HMX1: variants seen among roughly 807,000 people sequenced by gnomAD.
HMX1 encodes the protein homeobox protein HMX1.
A neutral mutation model predicts 8.9 loss-of-function variants in HMX1; 8 were observed. The observed-to-expected ratio is 0.90, with a 90% CI of 0.53 to 1.63. The LOEUF (loss-of-function observed/expected upper bound fraction) is 1.63. Ranked by LOEUF, HMX1 falls within the 40% of genes most tolerant of loss-of-function variation. The pLI, the probability that HMX1 is intolerant of heterozygous loss-of-function variation, is 0.00. For synonymous variants in HMX1, 311 were observed against 283.4 expected (o/e 1.10, Z -0.98); for missense variants, 621 against 558.5 (o/e 1.11, Z -1.13).
At position 8,871,384 on chromosome 4, in the gene HMX1, G is replaced by A; in HGVS notation, c.231C>T (p.Pro77=). 8.1e-7 allele frequency: 1 copy of A among 1,241,842 alleles called. No individual in the cohort carries two copies. The highest frequency in any genetic ancestry group is 1.0e-6 in the Non-Finnish European group (1 of 990,730). The allele number at this position is 1,241,842 out of a possible 1,614,324, so 76.9% of individuals were successfully genotyped here. The change falls in exon 1 of 2, where the codon CCC becomes CCT. Residue 77 remains proline (P), a synonymous_variant. Transcript: ENST00000400677. This position sits in a 1 kb window ranked among gnomAD's most constrained non-coding sequence, Gnocchi z 4.8. ...RRRQLLAGTG[P]GGEARARALL... ...GCGCACGGGCCCGCGCCTCCCCGCC[G>A]GGCCCGGTGCCCGCGAGCAACTGTC...
chr4:8,871,084 C>T lies in HMX1; in HGVS notation c.394+137G>A. The T allele has an allele frequency of 9.8e-7, 1 of 1,019,364 alleles. No homozygotes were observed. The highest frequency in any genetic ancestry group is 1.3e-6 in the Non-Finnish European group (1 of 792,894). The allele number at this position is 1,019,364 out of a possible 1,614,324, so 63.1% of individuals were successfully genotyped here. A position where few individuals can be genotyped will look rare whatever the true frequency, so the allele number is the denominator to read the frequency against. On this transcript the variant is annotated intron_variant, in intron 1 of 1. Transcript: ENST00000400677. This position sits in a 1 kb window ranked among gnomAD's most constrained non-coding sequence, Gnocchi z 4.8. ...CAACCAGGGGCTCCTGGGGGCCCCA[C>T]AAGGCCCAGACGCCGTTCCACAGAA...
chr4:8,869,807 G>A (rs1232757475), intron 1 of HMX1, among the ~76,000 whole-genome samples: 1 of 152,204 alleles, frequency 6.6e-6, no homozygotes, highest in Non-Finnish European at 1.5e-5. Context: ...TAACCCGCAT[G>A]GCACGAAATA....
downstream of HMX1, among the ~76,000 whole-genome samples, chr4:8,863,874 C>G (rs772985513): frequency 1.6e-4 from 25 of 152,244 alleles, no homozygotes; most frequent in Non-Finnish European, 2.2e-4. Context: ...GCTCTATAGT[C>G]ATTTCCCGAG....
At chr4:8,864,889 AT>A (rs1374437582), downstream of HMX1, among the ~76,000 whole-genome samples, 2 of 152,286 alleles carry the variant, frequency 1.3e-5, no homozygotes, top group East Asian at 3.9e-4. Flanking sequence ...CTCCAGCCCG[AT>A]TTTTAATTAA....
chr4:8,847,347 C>T lies in HMX1; in HGVS notation c.395-1023G>A, dbSNP rs1056044432. On this transcript the variant is annotated intron_variant, in intron 1 of 1. Transcript: ENST00000506970. The surrounding 1 kb of genome is among the most constrained non-coding windows in gnomAD (Gnocchi z 6.0). ...TGATGTCTCCTGAGAATATCTTTGA[C>T]TTAAGAATTCCTGGTTCACACCAGG... Among the ~76,000 whole-genome samples the T allele has an allele frequency of 2.6e-5, 4 of 152,088 alleles. No individual in the cohort carries two copies. The highest frequency in any genetic ancestry group is 4.4e-5 in the Non-Finnish European group (3 of 68,032).
At chr4:8,854,166 G>A (rs1015427585) in intron 1 of HMX1, among the ~76,000 whole-genome samples, 18 of 152,264 alleles carry the variant, frequency 1.2e-4, no homozygotes, top group African/African-American at 3.6e-4. Flanking sequence ...CCAGGAGCTC[G>A]CAGCCAGGCA....
chr4:8,855,732 G>C (rs964460237), intron 1 of HMX1, among the ~76,000 whole-genome samples: 3 of 152,204 alleles, frequency 2.0e-5, no homozygotes, highest in African/African-American at 7.2e-5. Flanking sequence ...AGAAGTCGCA[G>C]AGAAAGTTTC....
At chr4:8,857,941 T>C (rs1273847144) in intron 1 of HMX1, among the ~76,000 whole-genome samples, 1 of 152,056 alleles carries the variant, frequency 6.6e-6, no homozygotes, top group African/African-American at 2.4e-5. Context: ...AGAGTAGGGC[T>C]TCGGGCGCTC....
intron 1 of HMX1, among the ~76,000 whole-genome samples, chr4:8,855,538 GCCAGCTGCCGGGTGAC>G (rs1449302966): frequency 6.6e-6 from 1 of 152,180 alleles, no homozygotes; most frequent in Non-Finnish European, 1.5e-5. Flanking sequence ...TGGACAGATG[GCCAGCTGCCGGGTGAC>G]CCACCAGGTG....
At position 8,870,906 on chromosome 4, in the gene HMX1, T is replaced by C. The variant is rs560056458; in HGVS notation, c.394+315A>G. The stretch of plus-strand genomic sequence containing the variant: ...TCTCCTGTATCTTTCCCTATCCTCT[T>C]TCACTCTCCTTTCTTTTTTCTTTGG... On this transcript the variant is annotated intron_variant, in intron 1 of 1. Coordinates refer to ENST00000400677, the MANE Select transcript of HMX1 (RefSeq NM_018942.3). The surrounding 1 kb of genome is among the most constrained non-coding windows in gnomAD (Gnocchi z 4.4). Among the ~76,000 whole-genome samples, 59 of 150,770 alleles carry C rather than the reference T, an allele frequency of 3.9e-4. No homozygotes were observed. The highest frequency in any genetic ancestry group is 1.4e-3 in the African/African-American group (58 of 41,172).
chr4:8,867,868 G>A lies in HMX1; in HGVS notation c.872C>T (p.Pro291Leu), dbSNP rs746059506. 1 of 1,261,142 alleles carries A rather than the reference G, an allele frequency of 7.9e-7. No homozygotes were observed. Among genetic ancestry groups the A allele is most frequent in the Non-Finnish European group, 1.0e-6 (1 of 1,004,686 alleles). The allele number at this position is 1,261,142 out of a possible 1,614,324, so 78.1% of individuals were successfully genotyped here. A position where few individuals can be genotyped will look rare whatever the true frequency, so the allele number is the denominator to read the frequency against. The stretch of plus-strand genomic sequence containing the variant: ...CGGGGGCCCAGCGGCGGCTGCGGCC[G>A]GGGGGCTTTCGTGGTAGAGCACCGG... ...RVPVLYHESPPAAAAAGPPAT... is the reference protein window; with the variant it reads ...RVPVLYHESPLAAAAAGPPAT... Residue 291 changes from proline to leucine, a missense_variant, in exon 2 of 2, where the codon CCG (proline) becomes CTG (leucine). Physicochemically the swap from Pro to Leu is moderately conservative, Grantham distance 98 (BLOSUM62 -3). Transcript: ENST00000400677.
chr4:8,847,473 G>A lies in HMX1; in HGVS notation c.395-1149C>T, dbSNP rs981507348. 2.6e-5 allele frequency among the ~76,000 whole-genome samples: 4 copies of A among 152,176 alleles called. No homozygotes were observed. The highest frequency in any genetic ancestry group is 7.2e-5 in the African/African-American group (3 of 41,430). Reference sequence around the variant, plus strand: ...CTGTAACGGGATGCCGCCAACAGACGGAAGCCACTGAGCCCTGCTCTTCGG... The same window carrying A: ...CTGTAACGGGATGCCGCCAACAGACAGAAGCCACTGAGCCCTGCTCTTCGG... On this transcript the variant is annotated intron_variant, in intron 1 of 1. Transcript: ENST00000506970. This position sits in a 1 kb window ranked among gnomAD's most constrained non-coding sequence, Gnocchi z 6.0.
downstream of HMX1, among the ~76,000 whole-genome samples, chr4:8,862,273 G>C: frequency 6.6e-6 from 1 of 152,182 alleles, no homozygotes; most frequent in East Asian, 1.9e-4. Context: ...ACCAAAGTGA[G>C]ACCCCGATTG....
chr4:8,851,282 C>G (rs1390366116), intron 1 of HMX1, among the ~76,000 whole-genome samples: 1 of 152,220 alleles, frequency 6.6e-6, no homozygotes, highest in Non-Finnish European at 1.5e-5. Flanking sequence ...CCACTCCCAT[C>G]CCAGGCTTTC....
In HMX1 at chr4:8,849,493, C is replaced by G. The variant is rs1023742389; in HGVS notation, c.395-3169G>C. On this transcript the variant is annotated intron_variant, in intron 1 of 1. Coordinates refer to the HMX1 transcript ENST00000506970. The surrounding 1 kb of genome is among the most constrained non-coding windows in gnomAD (Gnocchi z 6.6). ...CAGGAAGGGCTCTCCTCTAGAGCCT[C>G]TGGAGGGGCACAGCCCGACCGACGC... Among the ~76,000 whole-genome samples the G allele has an allele frequency of 1.3e-5, 2 of 152,094 alleles. No individual in the cohort carries two copies. Among genetic ancestry groups the G allele is most frequent in the African/African-American group, 4.8e-5 (2 of 41,438 alleles).
In HMX1 at chr4:8,871,750, G is replaced by A; in HGVS notation, c.-136C>T. The A allele has an allele frequency of 2.0e-6, 2 of 999,978 alleles. No individual in the cohort carries two copies. The highest frequency in any genetic ancestry group is 2.4e-6 in the Non-Finnish European group (2 of 838,766). 61.9% of individuals were successfully genotyped at this position (999,978 alleles called of 1,614,324 possible). A position where few individuals can be genotyped will look rare whatever the true frequency, so the allele number is the denominator to read the frequency against. On this transcript the variant is annotated 5_prime_UTR_variant, in exon 1 of 2. Transcript: ENST00000400677. This position sits in a 1 kb window ranked among gnomAD's most constrained non-coding sequence, Gnocchi z 4.8. ...CGCTGGCGTCGGGCCCCGCAGGGCA[G>A]GCGGCGGCCTCCGCGCCGGGCTGGG...
chr4:8,868,122 CGT>C lies in HMX1; in HGVS notation c.616_617del (p.Thr206AlafsTer42), dbSNP rs1560184122. ...VGVGGGRKKK[T>X]RTVFSRSQVF... is the part of the protein sequence containing the mutation. ...CCTGGCTGCGGGAGAAGACTGTGCG[CGT>C]CTTCTTCTTTCGGCCGCCGCCCACG... On this transcript the variant is annotated frameshift_variant, in exon 2 of 2. Coordinates refer to ENST00000400677, the MANE Select transcript of HMX1 (RefSeq NM_018942.3). LOFTEE classifies it low-confidence loss of function (END_TRUNC). The surrounding 1 kb of genome is among the most constrained non-coding windows in gnomAD (Gnocchi z 4.6). 6.6e-7 allele frequency: 1 copy of C among 1,515,876 alleles called. No individual in the cohort carries two copies. Among genetic ancestry groups the C allele is most frequent in the Admixed American group, 2.1e-5 (1 of 48,568 alleles). The allele number at this position is 1,515,876 out of a possible 1,614,324, so 93.9% of individuals were successfully genotyped here.
In HMX1 at chr4:8,867,788, G is replaced by A. The variant is rs1362975392; in HGVS notation, c.952C>T (p.Leu318Phe). Residue 318 changes from leucine (L) to phenylalanine (F), a missense_variant, in exon 2 of 2, where the codon CTC becomes TTC. Transcript: ENST00000400677. Reference sequence around the variant, plus strand: ...TAGGCGAGGGCCCCGGAGAAGCCGAGCAGCGGTGGGGGCGGCGCGGGCGCG... The same window carrying A: ...TAGGCGAGGGCCCCGGAGAAGCCGAACAGCGGTGGGGGCGGCGCGGGCGCG... ...PAAPAPPPPL[L>F]GFSGALAYPL... The A allele has an allele frequency of 3.2e-6, 4 of 1,255,296 alleles. No homozygotes were observed. Among genetic ancestry groups the A allele is most frequent in the Admixed American group, 4.2e-5 (1 of 23,944 alleles). The allele number at this position is 1,255,296 out of a possible 1,614,324, so 77.8% of individuals were successfully genotyped here.
At chr4:8,859,881 G>A (rs528221615) in intron 1 of HMX1, among the ~76,000 whole-genome samples, 6 of 152,360 alleles carry the variant, frequency 3.9e-5, no homozygotes, top group Admixed American at 3.9e-4. Flanking sequence ...GAGCAGGCGC[G>A]GGCAGTGGCC....
Sources: gnomAD v4.1 joint callset for allele counts (sites outside exome capture counted in the v4.1 genomes callset) on GRCh38, gnomAD v4.1.1 for gene constraint, Gnocchi (gnomAD v3.1) non-coding constraint, MANE v1.5 for transcripts, NCBI Gene and HGNC (gene_info 2026-07-23, HGNC 2026-07-21) for gene names.